Variants in SIPA1L1 observed in about 807,000 individuals in gnomAD.
SIPA1L1 encodes the protein signal induced proliferation associated 1 like 1.
SIPA1L1 carries 26 observed loss-of-function variants against 162.7 expected under a neutral mutation model. That is an observed-to-expected ratio of 0.16 (90% CI 0.12 to 0.22). The LOEUF (loss-of-function observed/expected upper bound fraction) is 0.22. SIPA1L1 is among the 10% of genes least tolerant of loss of function. SIPA1L1 has a pLI of 1.00. For missense variants in SIPA1L1, 1,874 were observed against 2,241.0 expected (o/e 0.84, Z 3.31); for synonymous variants, 829 against 837.4 (o/e 0.99, Z 0.17).
At chr14:71,396,056 A>C (rs902873850) in intron 2 of SIPA1L1, among the ~76,000 whole-genome samples, 10 of 152,082 alleles carry the variant, frequency 6.6e-5, no homozygotes, top group African/African-American at 2.4e-4. Context: ...TAGCTTGGAG[A>C]ACATTTCTTG....
At chr14:71,654,336 C>G (rs992631850) in intron 8 of SIPA1L1, among the ~76,000 whole-genome samples, 5 of 152,068 alleles carry the variant, frequency 3.3e-5, no homozygotes, top group Non-Finnish European at 5.9e-5. Flanking sequence ...ACCATTCTCT[C>G]ACACTACAAT....
At chr14:71,423,057 A>AT (rs777910404) in intron 2 of SIPA1L1, among the ~76,000 whole-genome samples, 32 of 151,982 alleles carry the variant, frequency 2.1e-4, no homozygotes, top group Admixed American at 7.2e-4. Flanking sequence ...TTTGATTTGT[A>AT]TTTCTCTAAT....
At chr14:71,543,900 A>G (rs866682655) in intron 4 of SIPA1L1, among the ~76,000 whole-genome samples, 24 of 111,082 alleles carry the variant, frequency 2.2e-4, no homozygotes, top group Middle Eastern at 4.6e-3. Flanking sequence ...TCATACGTAT[A>G]TGTGTGTATA....
chr14:71,351,943 A>G (rs1483513835), intron 2 of SIPA1L1, among the ~76,000 whole-genome samples: 2 of 151,362 alleles, frequency 1.3e-5, no homozygotes, highest in Non-Finnish European at 2.9e-5. Context: ...GGAGCCAGAC[A>G]GTAAACAACA....
chr14:71,488,362 A>G (rs1366026853), intron 2 of SIPA1L1, among the ~76,000 whole-genome samples: 1 of 152,176 alleles, frequency 6.6e-6, no homozygotes, highest in Non-Finnish European at 1.5e-5. Flanking sequence ...TCAGAGGTGT[A>G]TTTGTTTTAG....
intron 2 of SIPA1L1, among the ~76,000 whole-genome samples, chr14:71,453,398 G>A (rs2045961159): frequency 6.6e-6 from 1 of 152,104 alleles, no homozygotes; most frequent in African/African-American, 2.4e-5. Context: ...TAAATAGCTA[G>A]GACTGCAGGT....
At chr14:71,554,389 AT>A (rs1483185963) in intron 4 of SIPA1L1, among the ~76,000 whole-genome samples, 3 of 152,238 alleles carry the variant, frequency 2.0e-5, no homozygotes, top group African/African-American at 7.2e-5. Flanking sequence ...AAAATAAAAA[AT>A]ATAAAGATTT....
chr14:71,638,468 A>T (rs2041385509), intron 7 of SIPA1L1, among the ~76,000 whole-genome samples: 1 of 152,238 alleles, frequency 6.6e-6, no homozygotes, highest in Admixed American at 6.5e-5. Flanking sequence ...GTGCAGAAAA[A>T]GCATTTGATA....
At chr14:71,729,791 G>T in intron 19 of SIPA1L1, among the ~76,000 whole-genome samples, 1 of 152,204 alleles carries the variant, frequency 6.6e-6, no homozygotes, top group Non-Finnish European at 1.5e-5. Flanking sequence ...AACCACACAC[G>T]ATCTTGATAG....
At chr14:71,635,356 C>T (rs773524619) in intron 7 of SIPA1L1, among the ~76,000 whole-genome samples, 1 of 152,154 alleles carries the variant, frequency 6.6e-6, no homozygotes, top group Non-Finnish European at 1.5e-5. Context: ...TGGGTAAATA[C>T]TTTTCTTAAT....
rs117911267 is a variant in SIPA1L1, at chr14:71,466,429, A to G, written c.-464-46314A>G. The stretch of plus-strand genomic sequence containing the variant: ...TGTGCTTGTGTCTGTCTAAACAGCA[A>G]TGAAAACTGGCCAGGTTCATAGTAC... On this transcript the variant is annotated intron_variant, in intron 2 of 23. Transcript: ENST00000381232. Among the ~76,000 whole-genome samples, 641 of 152,288 alleles carry G rather than the reference A, an allele frequency of 4.2e-3. 5 individuals are homozygous for G. Among genetic ancestry groups the G allele is most frequent in the Non-Finnish European group, 6.3e-3 (430 of 68,010 alleles).
At chr14:71,457,789 G>GT (rs1481209479) in intron 2 of SIPA1L1, among the ~76,000 whole-genome samples, 2 of 151,532 alleles carry the variant, frequency 1.3e-5, no homozygotes, top group African/African-American at 4.9e-5. Flanking sequence ...AGAGATGGGG[G>GT]TTTCACCATG....
chr14:71,358,521 C>G (rs1226666566), intron 2 of SIPA1L1, among the ~76,000 whole-genome samples: 1 of 152,156 alleles, frequency 6.6e-6, no homozygotes, highest in East Asian at 1.9e-4. Context: ...CAGACACTGC[C>G]TTTGTAGTGA....
At chr14:71,463,861 A>G (rs1392549912) in intron 2 of SIPA1L1, among the ~76,000 whole-genome samples, 1 of 152,214 alleles carries the variant, frequency 6.6e-6, no homozygotes, top group Non-Finnish European at 1.5e-5. Context: ...AGAGCTCTAC[A>G]GGAGTCAGAT....
intron 5 of SIPA1L1, among the ~76,000 whole-genome samples, chr14:71,598,639 T>C (rs571144871): frequency 2.6e-4 from 39 of 152,240 alleles, no homozygotes; most frequent in Admixed American, 1.7e-3. Context: ...AACAACAAAA[T>C]GCAACATGGG....
At chr14:71,730,373 C>G (rs1438727557) in intron 20 of SIPA1L1, 72 bp downstream of exon 20, 6 of 1,549,880 alleles carry the variant, frequency 3.9e-6, no homozygotes, top group Non-Finnish European at 5.3e-6. Context: ...GTGGCTGCCA[C>G]TCATGTGCTC....
At chr14:71,359,487 G>C (rs537131456) in intron 2 of SIPA1L1, among the ~76,000 whole-genome samples, 13 of 152,242 alleles carry the variant, frequency 8.5e-5, no homozygotes, top group African/African-American at 2.4e-4. Flanking sequence ...ATCTTCTTCA[G>C]TAGAGCATAT....
chr14:71,466,058 C>A (rs538409329), intron 2 of SIPA1L1, among the ~76,000 whole-genome samples: 7 of 152,296 alleles, frequency 4.6e-5, no homozygotes, highest in African/African-American at 1.7e-4. Flanking sequence ...CACAGACACA[C>A]CCAGGATCAA....
At chr14:71,539,616 T>C (rs1343087301) in intron 4 of SIPA1L1, among the ~76,000 whole-genome samples, 1 of 152,250 alleles carries the variant, frequency 6.6e-6, no homozygotes, top group Non-Finnish European at 1.5e-5. Flanking sequence ...TAACTTCTTA[T>C]TCAGAGAGGA....
Sources: gnomAD v4.1 joint callset for allele counts (sites outside exome capture counted in the v4.1 genomes callset) on GRCh38, gnomAD v4.1.1 for gene constraint, MANE v1.5 for transcripts, NCBI Gene and HGNC (gene_info 2026-07-23, HGNC 2026-07-21) for gene names.